ANGPTL2: variants seen among roughly 807,000 people sequenced by gnomAD.
The protein encoded by ANGPTL2 is angiopoietin-related protein 2.
Under a neutral mutation model 52.8 loss-of-function variants are expected in ANGPTL2, and 25 were observed. That is an observed-to-expected ratio of 0.47 (90% confidence interval 0.35 to 0.66). The LOEUF is 0.66. Ranked by LOEUF, ANGPTL2 falls within the 30% of genes least tolerant of loss-of-function variation. The pLI is 0.01. For synonymous variants in ANGPTL2, 276 were observed against 277.4 expected (o/e 1.00, Z 0.05); for missense variants, 546 against 656.9 (o/e 0.83, Z 1.84).
intron 3 of ANGPTL2, among the ~76,000 whole-genome samples, chr9:127,093,147 A>G (rs1353987118): frequency 6.6e-6 from 1 of 152,132 alleles, no homozygotes; most frequent in Non-Finnish European, 1.5e-5. Flanking sequence ...CTTCCTTAGT[A>G]CTACCTCTGT....
chr9:127,107,861 A>T, intron 2 of ANGPTL2, 54 bp downstream of exon 2: 1 of 1,491,340 alleles, frequency 6.7e-7, no homozygotes, highest in Non-Finnish European at 9.0e-7. Flanking sequence ...AGCCAAGGGA[A>T]GCCTGGTGCC....
chr9:127,118,830 G>A (rs1263294769), intron 1 of ANGPTL2, among the ~76,000 whole-genome samples: 1 of 152,244 alleles, frequency 6.6e-6, no homozygotes, highest in African/African-American at 2.4e-5. Context: ...GCCAGTTGCT[G>A]AATGTACCTG....
chr9:127,122,287 T>TCTCATGGCC lies in ANGPTL2; in HGVS notation c.-50+19_-50+27dup, dbSNP rs1218970430. ...CCAGCGGCTGCCTCTCGCCCCTGCC[T>TCTCATGGCC]CTCATGGCCGCAGAGCTGGCCCCTT... On this transcript the variant is annotated intron_variant, in intron 1 of 4. Transcript: ENST00000373425. This position sits in a 1 kb window ranked among gnomAD's most constrained non-coding sequence, Gnocchi z 6.4. 1 of 152,306 alleles carries TCTCATGGCC rather than the reference T, an allele frequency of 6.6e-6. No individual in the cohort carries two copies. Among genetic ancestry groups the TCTCATGGCC allele is most frequent in the Non-Finnish European group, 1.5e-5 (1 of 68,152 alleles). The allele number at this position is 152,306 out of a possible 1,614,324, so 9.4% of individuals were successfully genotyped here. A position where few individuals can be genotyped will look rare whatever the true frequency, so the allele number is the denominator to read the frequency against.
At chr9:127,115,283 G>A (rs1044760768) in intron 1 of ANGPTL2, among the ~76,000 whole-genome samples, 1 of 152,078 alleles carries the variant, frequency 6.6e-6, no homozygotes, top group Non-Finnish European at 1.5e-5. Flanking sequence ...TCTGCCTCCC[G>A]CTTTCAAGCA....
intron 1 of ANGPTL2, among the ~76,000 whole-genome samples, chr9:127,113,239 A>G (rs933041945): frequency 2.0e-5 from 3 of 152,192 alleles, no homozygotes; most frequent in Non-Finnish European, 4.4e-5. Flanking sequence ...TGATTTGCCC[A>G]GGAACACACG....
chr9:127,089,214 G>A (rs2052151513), intron 4 of ANGPTL2, 76 bp from the exon 5 acceptor site: 5 of 1,486,948 alleles, frequency 3.4e-6, no homozygotes, highest in Non-Finnish European at 4.7e-6. Flanking sequence ...CAGGGCTTTC[G>A]GCAAAGCCCT....
intron 1 of ANGPTL2, among the ~76,000 whole-genome samples, chr9:127,111,099 C>G (rs917046827): frequency 6.6e-6 from 1 of 152,194 alleles, no homozygotes; most frequent in African/African-American, 2.4e-5. Flanking sequence ...CCCCTCTCCC[C>G]TACGATCATC....
chr9:127,092,946 C>T (rs984477436), intron 3 of ANGPTL2, among the ~76,000 whole-genome samples: 1 of 152,166 alleles, frequency 6.6e-6, no homozygotes, highest in Admixed American at 6.5e-5. Context: ...GAGGCCTCAG[C>T]TGCAGTCACT....
At chr9:127,110,639 T>G (rs918209301) in intron 1 of ANGPTL2, among the ~76,000 whole-genome samples, 2 of 152,206 alleles carry the variant, frequency 1.3e-5, no homozygotes, top group Admixed American at 1.3e-4. Context: ...AACTCGTTTT[T>G]CCCCGTATCT....
chr9:127,119,553 A>G (rs2055826118), intron 1 of ANGPTL2, among the ~76,000 whole-genome samples: 1 of 152,186 alleles, frequency 6.6e-6, no homozygotes, highest in Non-Finnish European at 1.5e-5. Context: ...TAGTTTTCCC[A>G]TCTGTAAAAT....
rs550228324 is a variant in ANGPTL2, at chr9:127,090,285, G to A, written c.1283-1147C>T. On this transcript the variant is annotated intron_variant, in intron 4 of 4. Transcript: ENST00000373425. ...GTTTGGATCATAGAATACACTTTCCGCTCCCTAAGGAGGTGGCCCTCCAGA... is the reference window on the plus strand; with the variant it reads ...GTTTGGATCATAGAATACACTTTCCACTCCCTAAGGAGGTGGCCCTCCAGA... Among the ~76,000 whole-genome samples, 10 of 152,352 alleles carry A rather than the reference G, an allele frequency of 6.6e-5. No individual in the cohort carries two copies. The East Asian group carries it at 1.5e-3, about 23-fold the overall frequency.
At position 127,103,294 on chromosome 9, in the gene ANGPTL2, C is replaced by T. The variant is rs1371715484; in HGVS notation, c.817+4621G>A. ...CTCTTGTTCAAGTTGTCCATGCCAT[C>T]CTGGCCATAGCCCAATAGCCCATCT... On this transcript the variant is annotated intron_variant, in intron 2 of 4. Transcript: ENST00000373425. 2.6e-5 allele frequency among the ~76,000 whole-genome samples: 4 copies of T among 152,224 alleles called. No individual in the cohort carries two copies. The East Asian group carries it at 5.8e-4, about 22-fold the overall frequency.
At chr9:127,110,356 G>C (rs1375719128) in intron 1 of ANGPTL2, among the ~76,000 whole-genome samples, 1 of 152,150 alleles carries the variant, frequency 6.6e-6, no homozygotes, top group Non-Finnish European at 1.5e-5. Context: ...CCTGCCTCCT[G>C]TCTTGCCGGC....
At chr9:127,111,970 C>T (rs1321641283) in intron 1 of ANGPTL2, among the ~76,000 whole-genome samples, 1 of 152,234 alleles carries the variant, frequency 6.6e-6, no homozygotes, top group Non-Finnish European at 1.5e-5. Flanking sequence ...GACACAGGAC[C>T]TAAAGATTTT....
Position 127,105,357 on chromosome 9 carries a change from C to G in ANGPTL2, c.817+2558G>C, listed in dbSNP as rs531508645. Among the ~76,000 whole-genome samples the G allele has an allele frequency of 4.6e-5, 7 of 152,352 alleles. No homozygotes were observed. In the South Asian group the frequency reaches 1.4e-3, roughly 32 times the overall value. On this transcript the variant is annotated intron_variant, in intron 2 of 4. Coordinates refer to ENST00000373425, the MANE Select transcript of ANGPTL2 (RefSeq NM_012098.3). ...GACACTTGGATACACACAGCCCACA[C>G]TGGGTTGTGAACACAAAGAAGCAGG...
At chr9:127,117,669 G>T (rs1170987226) in intron 1 of ANGPTL2, among the ~76,000 whole-genome samples, 2 of 152,230 alleles carry the variant, frequency 1.3e-5, no homozygotes, top group Non-Finnish European at 2.9e-5. Flanking sequence ...AGAGAAGCTT[G>T]TTTGCTTGAG....
chr9:127,103,416 A>G (rs911805603), intron 2 of ANGPTL2, among the ~76,000 whole-genome samples: 1 of 152,234 alleles, frequency 6.6e-6, no homozygotes, highest in Non-Finnish European at 1.5e-5. Flanking sequence ...GTCTACTGAC[A>G]TTTATACAGT....
chr9:127,094,049 T>G lies in ANGPTL2; in HGVS notation c.818-123A>C, dbSNP rs2052820723. On this transcript the variant is annotated intron_variant, in intron 2 of 4. Coordinates refer to ENST00000373425, the MANE Select transcript of ANGPTL2 (RefSeq NM_012098.3). ...AGCTGGGAGCCACAGGCCCACGGTC[T>G]GAGGTAACCAATTTTTGTTTTGCGA... The G allele has an allele frequency of 2.8e-6, 3 of 1,086,764 alleles. No individual in the cohort carries two copies. In the East Asian group the frequency reaches 7.7e-5, roughly 28 times the overall value. 67.3% of individuals were successfully genotyped at this position (1,086,764 alleles called of 1,614,324 possible). A position where few individuals can be genotyped will look rare whatever the true frequency, so the allele number is the denominator to read the frequency against.
At chr9:127,101,646 C>T (rs1248972419) in intron 2 of ANGPTL2, among the ~76,000 whole-genome samples, 2 of 152,166 alleles carry the variant, frequency 1.3e-5, no homozygotes, top group East Asian at 3.9e-4. Flanking sequence ...CAGACCAAAC[C>T]CTGGCAAAGG....
Sources: gnomAD v4.1 joint callset for allele counts (sites outside exome capture counted in the v4.1 genomes callset) on GRCh38, gnomAD v4.1.1 for gene constraint, Gnocchi (gnomAD v3.1) non-coding constraint, MANE v1.5 for transcripts, NCBI Gene and HGNC (gene_info 2026-07-23, HGNC 2026-07-21) for gene names.